NLRP5: variants seen among roughly 807,000 people sequenced by gnomAD.
NLRP5 encodes the protein NACHT, LRR and PYD domains-containing protein 5.
A neutral mutation model predicts 113.1 loss-of-function variants in NLRP5; 93 were observed. That is an observed-to-expected ratio of 0.82 (90% CI 0.70 to 0.98). The LOEUF (loss-of-function observed/expected upper bound fraction) is 0.98, where lower values mean the gene tolerates loss of function less well. Ranked by LOEUF, NLRP5 falls within the 50% of genes least tolerant of loss-of-function variation. The pLI is 0.00. For synonymous variants in NLRP5, 751 were observed against 600.7 expected (o/e 1.25, Z -3.66); for missense variants, 1,808 against 1,514.3 (o/e 1.19, Z -3.22).
rs747808227 is a variant in NLRP5 at position 56,040,944 on chromosome 19, G to A, written c.2809G>A (p.Ala937Thr). The change falls in exon 11 of 15, where the codon GCC (alanine) becomes ACC (threonine). Residue 937 changes from alanine to threonine, a missense_variant. Coordinates refer to ENST00000390649, the MANE Select transcript of NLRP5 (RefSeq NM_153447.4). ...CAGACTGGAGGACTGTGGCATCACA[G>A]CCACGGGTTGCCAGAGTCTGGCCTC... 2 of 1,613,916 alleles carry A rather than the reference G, an allele frequency of 1.2e-6. No homozygotes were observed. The highest frequency in any genetic ancestry group is 3.3e-5 in the Admixed American group (2 of 60,006).
Position 56,010,742 on chromosome 19 carries a change from C to CCAAAAAAAAAAAAAA in NLRP5, c.508+1889_508+1890insCAAAAAAAAAAAAAA, listed in dbSNP as rs1555764914. On this transcript the variant is annotated intron_variant, in intron 3 of 14. Transcript: ENST00000390649. ...GGGAAACAAGAGCTTAACTCTGTCT[C>CCAAAAAAAAAAAAAA]AAAAAAAAAAAAAGTCCCTTGAAAC... Among the ~76,000 whole-genome samples the CCAAAAAAAAAAAAAA allele has an allele frequency of 3.4e-4, 14 of 41,274 alleles. 2 individuals are homozygous for CCAAAAAAAAAAAAAA. The highest frequency in any genetic ancestry group is 1.5e-3 in the African/African-American group (14 of 9,592). The allele number at this position is 41,274 out of a possible 152,430, so 27.1% of individuals were successfully genotyped here. A position where few individuals can be genotyped will look rare whatever the true frequency, so the allele number is the denominator to read the frequency against.
the NLRP5 span, among the ~76,000 whole-genome samples, chr19:55,992,518 C>T: frequency 1.3e-5 from 2 of 152,156 alleles, no homozygotes; most frequent in Admixed American, 1.3e-4. Flanking sequence ...TTCCTGCAAC[C>T]TCAGCAGCGT....
intron 13 of NLRP5, among the ~76,000 whole-genome samples, chr19:56,056,761 AAAAT>A (rs905165509): frequency 9.2e-5 from 14 of 152,334 alleles, no homozygotes; most frequent in Non-Finnish European, 1.8e-4. Flanking sequence ...AGCAAAATGA[AAAAT>A]AAGCATTCAA....
Position 56,027,074 on chromosome 19 carries a change from A to G in NLRP5, c.841A>G (p.Thr281Ala), listed in dbSNP as rs1419324348. The stretch of plus-strand genomic sequence containing the variant: ...AGACCGGTGGGGCTTCCGGCCTCGC[A>G]CGGTGGTTCTGCACGGAAAGTCAGG... Residue 281 changes from threonine (T) to alanine (A), a missense_variant, in exon 7 of 15, where the codon ACG becomes GCG. Coordinates refer to ENST00000390649, the MANE Select transcript of NLRP5 (RefSeq NM_153447.4). 1.9e-6 allele frequency: 3 copies of G among 1,559,734 alleles called. No homozygotes were observed. The Admixed American group carries it at 5.8e-5, about 30-fold the overall frequency.
At position 56,053,736 on chromosome 19, in the gene NLRP5, C is replaced by A. The variant is rs749480325; in HGVS notation, c.3227C>A (p.Ala1076Asp). ...AAGAGCCTGGATCTCACGGACAATGCCCTGGGTGACGGTGGGGTTGCTGCG... is the reference window on the plus strand; with the variant it reads ...AAGAGCCTGGATCTCACGGACAATGACCTGGGTGACGGTGGGGTTGCTGCG... Residue 1076 changes from alanine to aspartate, a missense_variant, in exon 13 of 15, where the codon GCC becomes GAC. By Grantham distance (126) the Ala-to-Asp change is moderately radical. Coordinates refer to ENST00000390649, the MANE Select transcript of NLRP5 (RefSeq NM_153447.4). The A allele has an allele frequency of 7.9e-5, 128 of 1,613,806 alleles. 1 individual carries two copies. The Admixed American group carries it at 2.1e-3, about 26-fold the overall frequency.
At chr19:56,024,977 G>A (rs980862144) in intron 6 of NLRP5, among the ~76,000 whole-genome samples, 8 of 152,014 alleles carry the variant, frequency 5.3e-5, no homozygotes, top group Middle Eastern at 3.2e-3. Flanking sequence ...CTGTCAGATC[G>A]GATGTGGCAT....
At chr19:56,034,741 C>G (rs753433458) in intron 9 of NLRP5, among the ~76,000 whole-genome samples, 3 of 152,200 alleles carry the variant, frequency 2.0e-5, no homozygotes, top group Non-Finnish European at 4.4e-5. Flanking sequence ...GTGTTACACA[C>G]TTTCTTCCTT....
the NLRP5 span, among the ~76,000 whole-genome samples, chr19:55,990,153 AT>A: frequency 1.6e-5 from 2 of 125,480 alleles, no homozygotes; most frequent in Non-Finnish European, 3.1e-5. Context: ...CAATGGTGAG[AT>A]CTCAGCTCAC....
chr19:55,998,370 G>A (rs1315058320), upstream of NLRP5, among the ~76,000 whole-genome samples: 1 of 151,920 alleles, frequency 6.6e-6, no homozygotes, highest in Admixed American at 6.6e-5. Flanking sequence ...AAATATATAT[G>A]AGGCCAGATG....
At chr19:56,007,063 T>A (rs1599878752) in intron 2 of NLRP5, among the ~76,000 whole-genome samples, 1 of 151,568 alleles carries the variant, frequency 6.6e-6, no homozygotes, top group South Asian at 2.1e-4. Context: ...TTAAAAATTG[T>A]ATATAAAAAT....
chr19:56,031,493 TG>T (rs1199812310), intron 7 of NLRP5, among the ~76,000 whole-genome samples: 2 of 151,936 alleles, frequency 1.3e-5, no homozygotes, highest in Non-Finnish European at 2.9e-5. Flanking sequence ...TAGCCAGGCA[TG>T]GTGGTGGGCA....
chr19:56,010,755 A>AAAAAAAAAAGT (rs78321861), intron 3 of NLRP5, among the ~76,000 whole-genome samples: 1 of 125,982 alleles, frequency 7.9e-6, no homozygotes, highest in African/African-American at 3.0e-5. Context: ...AAAAAAAAAA[A>AAAAAAAAAAGT]GTCCCTTGAA....
rs571466667 is a variant in NLRP5 at position 56,045,616 on chromosome 19, C to G, written c.2957+4524C>G. 1.1e-4 allele frequency among the ~76,000 whole-genome samples: 17 copies of G among 152,118 alleles called. No homozygotes were observed. The East Asian group carries it at 3.1e-3, about 28-fold the overall frequency. On this transcript the variant is annotated intron_variant, in intron 11 of 14. Coordinates refer to ENST00000390649, the MANE Select transcript of NLRP5 (RefSeq NM_153447.4). ...TCCCCTTCCTGTGTCCATGTGTTCT[C>G]ATTGTTCAATTCCCACCTATGAGTT... is the stretch of plus-strand genomic sequence containing the variant.
chr19:56,036,543 C>A (rs144083264), intron 9 of NLRP5, among the ~76,000 whole-genome samples: 2 of 152,310 alleles, frequency 1.3e-5, no homozygotes, highest in Admixed American at 6.5e-5. Flanking sequence ...AAACGAGATT[C>A]CTGCTCTCAT....
chr19:56,027,548 C>T lies in NLRP5; in HGVS notation c.1315C>T (p.His439Tyr). The change falls in exon 7 of 15, where the codon CAC becomes TAC. Residue 439 changes from histidine to tyrosine, a missense_variant. By Grantham distance (83) the His-to-Tyr change is moderately conservative. Coordinates refer to ENST00000390649, the MANE Select transcript of NLRP5 (RefSeq NM_153447.4). ...AGGAATCTCCGGGGAACAAAGAATC[C>T]ACTTGCTCCTTGAGCGCGGGATTGG... The T allele has an allele frequency of 2.5e-6, 4 of 1,613,988 alleles. No homozygotes were observed. The highest frequency in any genetic ancestry group is 2.2e-5 in the East Asian group (1 of 44,876).
Position 56,026,913 on chromosome 19 carries a change from G to A in NLRP5, c.680G>A (p.Gly227Glu). The change falls in exon 7 of 15, where the codon GGA becomes GAA. Residue 227 changes from glycine (G) to glutamate (E), a missense_variant and splice_region_variant. By Grantham distance (98) the Gly-to-Glu change is moderately conservative. Transcript: ENST00000390649. ...TTCATTCTACCCTCTCTGACTCCAG[G>A]ACATGGAGGTGACACATGGGACTAC... 1 of 1,549,892 alleles carries A rather than the reference G, an allele frequency of 6.5e-7. No homozygotes were observed. The highest frequency in any genetic ancestry group is 1.2e-5 in the South Asian group (1 of 83,938).
chr19:56,039,140 G>A (rs1233589374), intron 10 of NLRP5, among the ~76,000 whole-genome samples: 1 of 151,962 alleles, frequency 6.6e-6, no homozygotes, highest in Non-Finnish European at 1.5e-5. Context: ...AGGTGCTGTT[G>A]ATAACCCTAT....
At chr19:56,053,310 A>C (rs1202400415) in intron 12 of NLRP5, among the ~76,000 whole-genome samples, 3 of 149,550 alleles carry the variant, frequency 2.0e-5, no homozygotes, top group Non-Finnish European at 4.5e-5. Flanking sequence ...AAGGGAGAAT[A>C]GCTTGAACCT....
At chr19:56,007,943 G>A (rs56024736) in intron 2 of NLRP5, among the ~76,000 whole-genome samples, 33,128 of 117,098 alleles carry the variant, frequency 0.28, 6,779 homozygotes, top group Admixed American at 0.35. Context: ...GTTTGAAACA[G>A]AGTCTTGCTC....
Sources: allele counts gnomAD v4.1 joint callset (sites outside exome capture counted in the v4.1 genomes callset), GRCh38; gene constraint gnomAD v4.1.1; transcripts MANE v1.5; gene names NCBI Gene and HGNC (gene_info 2026-07-23, HGNC 2026-07-21).